The following PCBP3 variants were observed in gnomAD, a reference collection of about 807,000 sequenced individuals.
The protein encoded by PCBP3 is poly(rC) binding protein 3, also known as poly(rC)-binding protein 3.
In PCBP3, 25 loss-of-function variants were observed where a neutral mutation model predicts 52.7. The observed-to-expected ratio is 0.47, with a 90% CI of 0.35 to 0.66. PCBP3 has a LOEUF of 0.66. PCBP3 is among the 30% of genes least tolerant of loss of function. The pLI, the probability that PCBP3 is intolerant of heterozygous loss-of-function variation, is 0.01. For missense variants in PCBP3, 391 were observed against 490.3 expected, an observed-to-expected ratio of 0.80 and a Z score of 1.91; for synonymous variants, 162 against 183.0, an observed-to-expected ratio of 0.89 and a Z score of 0.93.
chr21:45,898,462 ATGGT>A (rs2095900366), intron 6 of PCBP3, among the ~76,000 whole-genome samples: 1 of 135,686 alleles, frequency 7.4e-6, no homozygotes, highest in African/African-American at 2.9e-5. Flanking sequence ...CACCATCCTC[ATGGT>A]CTCCCTCTCC....
intron 4 of PCBP3, among the ~76,000 whole-genome samples, chr21:45,789,164 G>C (rs1253739841): frequency 1.3e-5 from 2 of 152,208 alleles, no homozygotes; most frequent in Non-Finnish European, 2.9e-5. Flanking sequence ...GGTCAGGAGT[G>C]AATGTGTGTG....
intron 5 of PCBP3, among the ~76,000 whole-genome samples, chr21:45,870,428 C>A (rs1394776559): frequency 6.6e-6 from 1 of 152,208 alleles, no homozygotes; most frequent in Non-Finnish European, 1.5e-5. Flanking sequence ...ATTCATGCAT[C>A]CACGGGACCT....
At chr21:45,649,580 A>G (rs147789930) in intron 1 of PCBP3, among the ~76,000 whole-genome samples, 6 of 152,296 alleles carry the variant, frequency 3.9e-5, no homozygotes, top group Non-Finnish European at 7.4e-5. Context: ...ATCAGATTTC[A>G]CAAATGCATG....
At chr21:45,896,531 A>G in intron 6 of PCBP3, 169 bp downstream of exon 6, 2 of 674,780 alleles carry the variant, frequency 3.0e-6, no homozygotes, top group Non-Finnish European at 5.0e-6. Context: ...TGGCACATAG[A>G]ACCGGAGATG....
chr21:45,686,779 T>C (rs573058556), intron 2 of PCBP3, among the ~76,000 whole-genome samples: 29 of 152,166 alleles, frequency 1.9e-4, no homozygotes, highest in Non-Finnish European at 2.1e-4. Context: ...ATAAATGAAA[T>C]TAACAGCTGA....
intron 4 of PCBP3, among the ~76,000 whole-genome samples, chr21:45,765,321 T>A (rs538806321): frequency 6.6e-4 from 101 of 152,246 alleles, no homozygotes; most frequent in African/African-American, 2.4e-3. Flanking sequence ...CATCATCAGG[T>A]TGGGGCGGGC....
intron 4 of PCBP3, chr21:45,762,491 C>CTTTTTTTTTTTTTTTTTTTTTTTTTTT (rs374275789): frequency 9.6e-6 from 1 of 104,666 alleles, no homozygotes; most frequent in Non-Finnish European, 1.9e-5. Context: ...CTTTTCTTCT[C>CTTTTTTTTTTTTTTTTTTTTTTTTTTT]TTTTTTTTTT....
At chr21:45,679,715 T>G (rs1158590837) in intron 2 of PCBP3, among the ~76,000 whole-genome samples, 1 of 152,230 alleles carries the variant, frequency 6.6e-6, no homozygotes. Flanking sequence ...GCAGATAAAA[T>G]ATTTTTAATT....
chr21:45,918,079 G>A (rs1229562193), intron 13 of PCBP3: 1 of 224,876 alleles, frequency 4.4e-6, no homozygotes, highest in South Asian at 6.4e-5. Flanking sequence ...CCCTTTCAGA[G>A]TCCACATGAA....
At chr21:45,882,582 T>TA (rs554011771) in intron 5 of PCBP3, among the ~76,000 whole-genome samples, 268 of 151,894 alleles carry the variant, frequency 1.8e-3, no homozygotes, top group Middle Eastern at 3.4e-3. Flanking sequence ...GGGCCATATT[T>TA]AAAAAAAAAT....
At chr21:45,850,229 T>C (rs923971329) in intron 5 of PCBP3, 134 bp downstream of exon 5, 1 of 770,686 alleles carries the variant, frequency 1.3e-6, no homozygotes, top group East Asian at 2.7e-5. Flanking sequence ...CAGTCCACAA[T>C]GTGCCCTGAA....
In PCBP3 at chr21:45,880,220, GACTGTTGC is replaced by G. The variant is rs2095367247; in HGVS notation, c.11-15987_11-15980del. ...AGTCACGGCCAGCCTTCGAAAGCAG[GACTGTTGC>G]CTGGTTCCCCAGTTGCCCTCCTGGA... On this transcript the variant is annotated intron_variant, in intron 5 of 17. Transcript: ENST00000681687. The surrounding 1 kb of genome is among the most constrained non-coding windows in gnomAD (Gnocchi z 5.4). 6.6e-6 allele frequency among the ~76,000 whole-genome samples: 1 copy of G among 152,228 alleles called. No homozygotes were observed. The highest frequency in any genetic ancestry group is 2.4e-5 in the African/African-American group (1 of 41,462).
chr21:45,824,471 G>A lies in PCBP3; in HGVS notation c.-125-25490G>A, dbSNP rs77048184. Among the ~76,000 whole-genome samples the A allele has an allele frequency of 3.2e-3, 486 of 152,362 alleles. 1 individual carries two copies. Among genetic ancestry groups the A allele is most frequent in the African/African-American group, 0.01 (424 of 41,582 alleles). On this transcript the variant is annotated intron_variant, in intron 4 of 17. Transcript: ENST00000681687. ...TGGAAGGAGGGGGCAGACTGACAAC[G>A]CATTCCCTATGTCCTCTAAAGAGAT...
At chr21:45,775,587 T>C (rs2090193407) in intron 4 of PCBP3, among the ~76,000 whole-genome samples, 1 of 152,154 alleles carries the variant, frequency 6.6e-6, no homozygotes, top group Non-Finnish European at 1.5e-5. Context: ...TGGCTAACTT[T>C]TTAAATTTTT....
At chr21:45,894,650 G>T (rs766969321) in intron 5 of PCBP3, among the ~76,000 whole-genome samples, 1 of 152,242 alleles carries the variant, frequency 6.6e-6, no homozygotes, top group Non-Finnish European at 1.5e-5. Context: ...TGCCAGAAAT[G>T]GCCTCTCTCT....
intron 3 of PCBP3, among the ~76,000 whole-genome samples, chr21:45,740,376 A>G (rs1217828479): frequency 6.6e-6 from 1 of 152,204 alleles, no homozygotes; most frequent in Admixed American, 6.5e-5. Flanking sequence ...ATTAAAAAAA[A>G]TTATTCCCTT....
At chr21:45,842,354 G>C (rs1371078266) in intron 4 of PCBP3, among the ~76,000 whole-genome samples, 1 of 152,180 alleles carries the variant, frequency 6.6e-6, no homozygotes, top group African/African-American at 2.4e-5. Flanking sequence ...TTTAATTGTT[G>C]TAGGGATATT....
chr21:45,697,672 C>A (rs964824788), intron 2 of PCBP3, among the ~76,000 whole-genome samples: 1 of 151,572 alleles, frequency 6.6e-6, no homozygotes, highest in African/African-American at 2.4e-5. Flanking sequence ...TCGAGCCTGG[C>A]CGGTGAAGGC....
intron 2 of PCBP3, among the ~76,000 whole-genome samples, chr21:45,672,286 TAA>T: frequency 6.6e-6 from 1 of 152,172 alleles, no homozygotes; most frequent in Non-Finnish European, 1.5e-5. Context: ...TCAGCTTCTA[TAA>T]CTGTAAGAAG....
Sources: allele counts gnomAD v4.1 joint callset (sites outside exome capture counted in the v4.1 genomes callset), GRCh38; gene constraint gnomAD v4.1.1; non-coding constraint Gnocchi (gnomAD v3.1); transcripts MANE v1.5; gene names NCBI Gene and HGNC (gene_info 2026-07-23, HGNC 2026-07-21).